Variants in L2HGDH observed in about 807,000 individuals in gnomAD.
L2HGDH encodes L-2-hydroxyglutarate dehydrogenase, mitochondrial.
In L2HGDH, 34 loss-of-function variants were observed where a neutral mutation model predicts 51.5. The observed-to-expected ratio is 0.66, with a 90% CI of 0.50 to 0.88. The LOEUF is 0.88. L2HGDH is among the 40% of genes least tolerant of loss of function. The probability of loss-of-function intolerance (pLI) is 0.00; values close to 1 mark genes in which losing one functional copy is unlikely to be tolerated. For synonymous variants in L2HGDH, 198 were observed against 197.9 expected, an observed-to-expected ratio of 1.00 and a Z score of -0.01; for missense variants, 558 against 571.9, an observed-to-expected ratio of 0.98 and a Z score of 0.25.
In L2HGDH at chr14:50,293,215, A is replaced by G. The variant is rs2029870330; in HGVS notation, c.540+900T>C. On this transcript the variant is annotated intron_variant, in intron 4 of 9. Transcript: ENST00000267436. ...AGACCCGCCACATACCTGATATCAT[A>G]AAGGCAATACTGCAGCACAGTGGGA... The G allele has an allele frequency of 4.3e-6, 3 of 702,220 alleles. No homozygotes were observed. In the South Asian group the frequency reaches 4.4e-5, roughly 10 times the overall value. The allele number at this position is 702,220 out of a possible 1,614,324, so 43.5% of individuals were successfully genotyped here. A position where few individuals can be genotyped will look rare whatever the true frequency, so the allele number is the denominator to read the frequency against.
intron 3 of L2HGDH, among the ~76,000 whole-genome samples, chr14:50,295,807 C>T (rs982531633): frequency 1.3e-5 from 2 of 148,398 alleles, no homozygotes; most frequent in East Asian, 2.0e-4. Flanking sequence ...GGCAGGATCT[C>T]GTCTCACTGC....
intron 3 of L2HGDH, among the ~76,000 whole-genome samples, chr14:50,299,215 A>G (rs1178341346): frequency 6.6e-6 from 1 of 152,174 alleles, no homozygotes; most frequent in Non-Finnish European, 1.5e-5. Flanking sequence ...AATAAGTTAG[A>G]AAACTTAGAA....
intron 3 of L2HGDH, among the ~76,000 whole-genome samples, chr14:50,296,658 A>G (rs893518380): frequency 1.3e-5 from 2 of 151,796 alleles, no homozygotes; most frequent in African/African-American, 4.8e-5. Context: ...TGTTAAAAAA[A>G]AAAGTAATAC....
chr14:50,300,674 T>A (rs1489566182), intron 3 of L2HGDH, among the ~76,000 whole-genome samples: 1 of 152,002 alleles, frequency 6.6e-6, no homozygotes, highest in Non-Finnish European at 1.5e-5. Context: ...AAAAAATAAT[T>A]TTAGGCCAGG....
intron 9 of L2HGDH, among the ~76,000 whole-genome samples, chr14:50,253,673 A>T (rs1252187244): frequency 6.6e-6 from 1 of 152,136 alleles, no homozygotes. Context: ...CAGCAATCCC[A>T]CTGCTGGATA....
At chr14:50,305,262 A>C (rs1469632407) in intron 1 of L2HGDH, among the ~76,000 whole-genome samples, 1 of 152,196 alleles carries the variant, frequency 6.6e-6, no homozygotes, top group African/African-American at 2.4e-5. Flanking sequence ...GCAGCTTTAG[A>C]TTGGATAAAA....
In L2HGDH at chr14:50,263,995, G is replaced by C. The variant is rs534148355; in HGVS notation, c.1196+1363C>G. 2.0e-5 allele frequency among the ~76,000 whole-genome samples: 3 copies of C among 150,962 alleles called. No homozygotes were observed. The South Asian group carries it at 6.3e-4, about 32-fold the overall frequency. On this transcript the variant is annotated intron_variant, in intron 9 of 9. Transcript: ENST00000267436. ...TCTCCATTTTGGTCAGGCTGGTCTCGAACTCCTGACCTCAGGTGATCCACC... is the reference window on the plus strand; with the variant it reads ...TCTCCATTTTGGTCAGGCTGGTCTCCAACTCCTGACCTCAGGTGATCCACC...
chr14:50,277,123 G>T (rs980472848), intron 6 of L2HGDH, among the ~76,000 whole-genome samples: 4 of 151,934 alleles, frequency 2.6e-5, no homozygotes, highest in South Asian at 2.1e-4. Context: ...GTATTTAAGT[G>T]ACAGGATCTC....
intron 6 of L2HGDH, among the ~76,000 whole-genome samples, chr14:50,274,342 T>G (rs1889859105): frequency 1.3e-5 from 2 of 148,270 alleles, no homozygotes; most frequent in African/African-American, 4.9e-5. Flanking sequence ...TTTTCAAAGA[T>G]ATACACATAG....
chr14:50,283,598 C>T (rs12432978), intron 5 of L2HGDH, among the ~76,000 whole-genome samples: 85,230 of 152,016 alleles, frequency 0.56, 23,927 homozygotes, highest in East Asian at 0.65. Context: ...TTAAGTCCCT[C>T]ATATAAAATG....
chr14:50,303,570 A>G (rs549744548), intron 1 of L2HGDH, among the ~76,000 whole-genome samples: 15 of 151,814 alleles, frequency 9.9e-5, no homozygotes, highest in Admixed American at 9.2e-4. Context: ...TGAGGTTAGG[A>G]GTTCAAGACC....
chr14:50,247,619 A>T (rs1566498945), intron 9 of L2HGDH, among the ~76,000 whole-genome samples: 1 of 152,236 alleles, frequency 6.6e-6, no homozygotes, highest in Admixed American at 6.5e-5. Context: ...AAAATCAATC[A>T]ATGGCAACAA....
At chr14:50,270,740 T>C (rs1213280146) in intron 6 of L2HGDH, among the ~76,000 whole-genome samples, 3 of 152,058 alleles carry the variant, frequency 2.0e-5, no homozygotes, top group Non-Finnish European at 4.4e-5. Context: ...TCTCCTGACC[T>C]CGTGATCCAC....
Position 50,293,400 on chromosome 14 carries a change from CATAGAATATCTT to C in L2HGDH, c.540+703_540+714del, listed in dbSNP as rs1398623971. The C allele has an allele frequency of 1.2e-5, 7 of 595,732 alleles. No individual in the cohort carries two copies. The Middle Eastern group carries it at 9.0e-4, about 76-fold the overall frequency. 36.9% of individuals were successfully genotyped at this position (595,732 alleles called of 1,614,324 possible). ...AAACAATAAAACTTTTAGAAAAACA[CATAGAATATCTT>C]CTAGACCCTGGGCTAGGCAAAGATT... On this transcript the variant is annotated intron_variant, in intron 4 of 9. Coordinates refer to ENST00000267436, the MANE Select transcript of L2HGDH (RefSeq NM_024884.3).
chr14:50,255,692 C>T (rs1416230963), intron 9 of L2HGDH, among the ~76,000 whole-genome samples: 1 of 152,002 alleles, frequency 6.6e-6, no homozygotes, highest in African/African-American at 2.4e-5. Context: ...AGGCTAGAAA[C>T]TTTAAGCTTT....
At chr14:50,291,561 G>C (rs1421360150) in intron 4 of L2HGDH, among the ~76,000 whole-genome samples, 1 of 152,136 alleles carries the variant, frequency 6.6e-6, no homozygotes, top group East Asian at 1.9e-4. Context: ...AACCTCTGCA[G>C]GAAGAACTCA....
In L2HGDH at chr14:50,246,915, T is replaced by C. The variant is rs956813969; in HGVS notation, c.*143A>G. 7.5e-7 allele frequency: 1 copy of C among 1,325,882 alleles called. No individual in the cohort carries two copies. Among genetic ancestry groups the C allele is most frequent in the Non-Finnish European group, 1.0e-6 (1 of 991,394 alleles). 82.1% of individuals were successfully genotyped at this position (1,325,882 alleles called of 1,614,324 possible). On this transcript the variant is annotated 3_prime_UTR_variant, in exon 10 of 10. Coordinates refer to ENST00000267436, the MANE Select transcript of L2HGDH (RefSeq NM_024884.3). ...TTTTTGTAGAAAATTATTATTTCTATGTTACATCATTTTAACAATGCAGTG... is the reference window on the plus strand; with the variant it reads ...TTTTTGTAGAAAATTATTATTTCTACGTTACATCATTTTAACAATGCAGTG...
chr14:50,285,955 C>T (rs1890541983), intron 4 of L2HGDH, among the ~76,000 whole-genome samples: 1 of 152,180 alleles, frequency 6.6e-6, no homozygotes, highest in Non-Finnish European at 1.5e-5. Flanking sequence ...GAGTCATCAT[C>T]ACCATGCAAT....
chr14:50,309,685 A>AC (rs1207954215), intron 1 of L2HGDH, among the ~76,000 whole-genome samples: 1 of 121,566 alleles, frequency 8.2e-6, no homozygotes, highest in East Asian at 2.6e-4. Flanking sequence ...TTTTTATACC[A>AC]CCCTTTTTTT....
Sources: allele counts gnomAD v4.1 joint callset (sites outside exome capture counted in the v4.1 genomes callset), GRCh38; gene constraint gnomAD v4.1.1; transcripts MANE v1.5; gene names NCBI Gene and HGNC (gene_info 2026-07-23, HGNC 2026-07-21).